The following SLC8B1 variants were observed in gnomAD, a reference collection of about 807,000 sequenced individuals.
SLC8B1 encodes solute carrier family 8 member B1, also known as mitochondrial sodium/calcium exchanger protein.
Under a neutral mutation model 63.4 loss-of-function variants are expected in SLC8B1, and 52 were observed. The observed-to-expected ratio is 0.82, with a 90% CI of 0.66 to 1.03. The LOEUF (loss-of-function observed/expected upper bound fraction) is 1.03, where lower values mean the gene tolerates loss of function less well. Among genes scored for constraint, SLC8B1 ranks in the 50% least tolerant of loss-of-function variants. SLC8B1 has a pLI of 0.00. For synonymous variants in SLC8B1, 336 were observed against 323.9 expected (o/e 1.04, Z -0.40); for missense variants, 657 against 741.7 (o/e 0.89, Z 1.33).
At chr12:113,318,919 C>T in intron 8 of SLC8B1, 45 bp downstream of exon 8, 1 of 1,524,266 alleles carries the variant, frequency 6.6e-7, no homozygotes, top group Non-Finnish European at 9.1e-7. Flanking sequence ...CACAGAGGCC[C>T]CCAGTCCCCA....
intron 11 of SLC8B1, 101 bp from the exon 12 acceptor site, chr12:113,310,456 C>A: frequency 6.7e-7 from 1 of 1,493,632 alleles, no homozygotes; most frequent in South Asian, 1.3e-5. Flanking sequence ...ATCTGCCCAG[C>A]CCTGTCCTAG....
At chr12:113,308,046 T>C (rs1956700442) in intron 12 of SLC8B1, 2 of 621,200 alleles carry the variant, frequency 3.2e-6, no homozygotes, top group African/African-American at 1.9e-5. Context: ...TCTTTTTTCC[T>C]TAATAAACTC....
rs527968401 is a variant in SLC8B1 at position 113,319,097 on chromosome 12, C to T, written c.695-26G>A. 4 of 1,567,148 alleles carry T rather than the reference C, an allele frequency of 2.6e-6. No individual in the cohort carries two copies. The African/African-American group carries it at 5.4e-5, about 21-fold the overall frequency. ...CTGCAGACGGGGTGCACGCCGTCAC[C>T]AAGTGGTGTCCTGGTGCAGGTCTAG... On this transcript the variant is annotated intron_variant, in intron 7 of 15. Coordinates refer to ENST00000680972, the MANE Select transcript of SLC8B1 (RefSeq NM_001358345.2).
At chr12:113,304,985 C>A (rs548550475) in intron 14 of SLC8B1, among the ~76,000 whole-genome samples, 3 of 152,336 alleles carry the variant, frequency 2.0e-5, no homozygotes, top group South Asian at 4.1e-4. Flanking sequence ...GAGACCCTAT[C>A]TTTTTAGGCC....
chr12:113,316,899 C>T, intron 9 of SLC8B1, 43 bp downstream of exon 9: 3 of 1,602,538 alleles, frequency 1.9e-6, no homozygotes, highest in Non-Finnish European at 2.6e-6. Context: ...CCCAGCCTTT[C>T]CCTGTTACCG....
intron 2 of SLC8B1, among the ~76,000 whole-genome samples, chr12:113,324,171 G>C (rs1956965344): frequency 6.6e-6 from 1 of 151,996 alleles, no homozygotes; most frequent in Admixed American, 6.6e-5. Context: ...AAATGAGCCA[G>C]GCATGGTGGC....
At chr12:113,327,772 CAGG>C (rs1430360320) in intron 2 of SLC8B1, among the ~76,000 whole-genome samples, 1 of 151,714 alleles carries the variant, frequency 6.6e-6, no homozygotes, top group Non-Finnish European at 1.5e-5. Flanking sequence ...CACCTGAGGT[CAGG>C]AGTTCGAGCC....
In SLC8B1 at chr12:113,320,349, T is replaced by C. The variant is rs764682644; in HGVS notation, c.676A>G (p.Thr226Ala). The C allele has an allele frequency of 3.1e-6, 5 of 1,613,866 alleles. No individual in the cohort carries two copies. In the African/African-American group the frequency reaches 6.7e-5, roughly 22 times the overall value. ...TFLMLFRGRV[T>A]LAWALGYLGL... Reference sequence around the variant, plus strand: ...TGCTCACCCAGAGCCCATGCCAGGGTGACCCTGCCACGGAAGAGCATGAGG... The same window carrying C: ...TGCTCACCCAGAGCCCATGCCAGGGCGACCCTGCCACGGAAGAGCATGAGG... Residue 226 changes from threonine to alanine, a missense_variant, in exon 7 of 16, where the codon ACC becomes GCC. By Grantham distance (58) the Thr-to-Ala change is moderately conservative. Coordinates refer to ENST00000680972, the MANE Select transcript of SLC8B1 (RefSeq NM_001358345.2). The surrounding 1 kb of genome is among the most constrained non-coding windows in gnomAD (Gnocchi z 5.3).
chr12:113,321,483 T>C, intron 2 of SLC8B1, 135 bp from the exon 3 acceptor site: 4 of 1,017,596 alleles, frequency 3.9e-6, no homozygotes, highest in Non-Finnish European at 5.8e-6. Flanking sequence ...GTGCCAACTA[T>C]GGATGCACTT....
intron 11 of SLC8B1, among the ~76,000 whole-genome samples, chr12:113,314,323 C>T (rs113759378): frequency 0.026 from 4,008 of 152,358 alleles, 100 homozygotes; most frequent in Non-Finnish European, 0.047. Context: ...CATCCCGACA[C>T]TGTTACAGCA....
chr12:113,314,256 C>T (rs769641629), intron 11 of SLC8B1, among the ~76,000 whole-genome samples: 9 of 152,310 alleles, frequency 5.9e-5, no homozygotes, highest in East Asian at 3.9e-4. Context: ...TCCCACAAAC[C>T]GGGGGAGAAA....
At chr12:113,310,839 G>A (rs1593243419) in intron 11 of SLC8B1, among the ~76,000 whole-genome samples, 1 of 152,126 alleles carries the variant, frequency 6.6e-6, no homozygotes, top group African/African-American at 2.4e-5. Flanking sequence ...AAACACCAAA[G>A]GGAGACACCC....
chr12:113,315,164 T>C (rs1339018879), intron 11 of SLC8B1, among the ~76,000 whole-genome samples, 171 bp downstream of exon 11: 1 of 152,210 alleles, frequency 6.6e-6, no homozygotes, highest in East Asian at 1.9e-4. Context: ...TGCACGCCTG[T>C]AATCCCAGCT....
At chr12:113,333,006 A>C in intron 1 of SLC8B1, 46 bp from the exon 2 acceptor site, 2 of 1,183,416 alleles carry the variant, frequency 1.7e-6, no homozygotes, top group Non-Finnish European at 2.3e-6. Flanking sequence ...CTGAAAACCC[A>C]TGGACACAGC....
intron 11 of SLC8B1, 59 bp from the exon 12 acceptor site, chr12:113,310,414 T>C (rs1448500691): frequency 6.4e-6 from 10 of 1,569,950 alleles, no homozygotes; most frequent in Non-Finnish European, 8.6e-6. Flanking sequence ...CCACTTACAA[T>C]GGACTATTTG....
At chr12:113,317,789 ATGTGAG>A (rs1468080723) in intron 8 of SLC8B1, among the ~76,000 whole-genome samples, 1 of 151,182 alleles carries the variant, frequency 6.6e-6, no homozygotes, top group African/African-American at 2.4e-5. Context: ...TGTGTTGTGT[ATGTGAG>A]TGTATTTGTG....
At chr12:113,323,934 CAG>C (rs1298994225) in intron 2 of SLC8B1, among the ~76,000 whole-genome samples, 1 of 152,108 alleles carries the variant, frequency 6.6e-6, no homozygotes, top group African/African-American at 2.4e-5. Context: ...ATCCCCTGAG[CAG>C]AGACTGAAAC....
chr12:113,306,429 A>G (rs1956676382), intron 14 of SLC8B1, 66 bp downstream of exon 14: 2 of 1,334,296 alleles, frequency 1.5e-6, no homozygotes, highest in East Asian at 2.4e-5. Context: ...AGGGTGGGGC[A>G]TGGAGCACAC....
intron 2 of SLC8B1, among the ~76,000 whole-genome samples, chr12:113,328,390 G>A (rs936484066): frequency 1.8e-4 from 28 of 152,182 alleles, no homozygotes; most frequent in African/African-American, 6.7e-4. Context: ...CCACCAGCAC[G>A]GAGAACAACT....
Sources: allele counts gnomAD v4.1 joint callset (sites outside exome capture counted in the v4.1 genomes callset), GRCh38; gene constraint gnomAD v4.1.1; non-coding constraint Gnocchi (gnomAD v3.1); transcripts MANE v1.5; gene names NCBI Gene and HGNC (gene_info 2026-07-23, HGNC 2026-07-21).